BMAL2: variants seen among roughly 807,000 people sequenced by gnomAD.
BMAL2 encodes basic helix-loop-helix ARNT like 2.
chr12:27,398,083 G>A, the BMAL2 span, among the ~76,000 whole-genome samples: 2 of 152,220 alleles, frequency 1.3e-5, no homozygotes, highest in South Asian at 2.1e-4. Flanking sequence ...CTTCTCTTCC[G>A]TGTCTCATTT....
At chr12:27,346,999 C>G in the BMAL2 span, among the ~76,000 whole-genome samples, 5 of 152,246 alleles carry the variant, frequency 3.3e-5, no homozygotes, top group African/African-American at 1.2e-4. Flanking sequence ...TCTGCACACT[C>G]TGGCTCCCCT....
chr12:27,411,671 C>T, the BMAL2 span, among the ~76,000 whole-genome samples: 66 of 152,202 alleles, frequency 4.3e-4, no homozygotes, highest in Non-Finnish European at 8.5e-4. Flanking sequence ...AAGTCCTTTG[C>T]CCACTATTTA....
At chr12:27,393,187 T>C in the BMAL2 span, among the ~76,000 whole-genome samples, 1 of 152,242 alleles carries the variant, frequency 6.6e-6, no homozygotes, top group Non-Finnish European at 1.5e-5. Flanking sequence ...CAGAAACCTC[T>C]TGGCAAAACC....
the BMAL2 span, among the ~76,000 whole-genome samples, chr12:27,367,826 G>T: frequency 2.3e-5 from 1 of 42,822 alleles, no homozygotes; most frequent in East Asian, 1.3e-3. Flanking sequence ...GTGTGTGTGT[G>T]TGTGTATATA....
the BMAL2 span, among the ~76,000 whole-genome samples, chr12:27,391,557 T>C: frequency 6.6e-6 from 1 of 152,254 alleles, no homozygotes; most frequent in Non-Finnish European, 1.5e-5. Context: ...GTATACCCAG[T>C]AATGGGACTC....
chr12:27,397,210 A>G, the BMAL2 span, among the ~76,000 whole-genome samples: 2 of 152,180 alleles, frequency 1.3e-5, no homozygotes, highest in African/African-American at 2.4e-5. Flanking sequence ...AACTGGGACT[A>G]CAGGCACATG....
At chr12:27,370,685 A>T in the BMAL2 span, among the ~76,000 whole-genome samples, 1 of 152,056 alleles carries the variant, frequency 6.6e-6, no homozygotes, top group Non-Finnish European at 1.5e-5. Flanking sequence ...GGCTCACTGC[A>T]ACCTCCGCCT....
At chr12:27,363,041 G>A in the BMAL2 span, among the ~76,000 whole-genome samples, 5 of 152,192 alleles carry the variant, frequency 3.3e-5, no homozygotes, top group South Asian at 2.1e-4. Context: ...CTGGCCTTAC[G>A]TGATCCTCTT....
At chr12:27,390,274 G>A in the BMAL2 span, 1 of 1,600,164 alleles carries the variant, frequency 6.2e-7, no homozygotes, top group Non-Finnish European at 8.6e-7. Context: ...TGCAAAGCAT[G>A]GCTATAAAAT....
At chr12:27,355,324 A>G in the BMAL2 span, among the ~76,000 whole-genome samples, 1 of 152,132 alleles carries the variant, frequency 6.6e-6, no homozygotes, top group Admixed American at 6.5e-5. Flanking sequence ...ACAGTGCTCC[A>G]TAGACCCCTT....
the BMAL2 span, among the ~76,000 whole-genome samples, chr12:27,420,152 T>C: frequency 6.6e-6 from 1 of 152,220 alleles, no homozygotes; most frequent in African/African-American, 2.4e-5. Context: ...CTTACTTCTC[T>C]GTAGCAGATG....
At chr12:27,368,434 A>G in the BMAL2 span, 1 of 1,610,904 alleles carries the variant, frequency 6.2e-7, no homozygotes. Context: ...TGGTCCTCTA[A>G]CCCAGTGAGA....
At chr12:27,401,267 A>G in the BMAL2 span, 12 of 1,613,952 alleles carry the variant, frequency 7.4e-6, no homozygotes, top group South Asian at 1.2e-4. Flanking sequence ...GGCAACAGCG[A>G]TTTTAGGATA....
chr12:27,419,411 G>A, the BMAL2 span, among the ~76,000 whole-genome samples: 114,052 of 152,068 alleles, frequency 0.75, 43,132 homozygotes, highest in Middle Eastern at 0.9. Flanking sequence ...GGGTAAGAGC[G>A]AGAAAGCAAG....
the BMAL2 span, among the ~76,000 whole-genome samples, chr12:27,361,190 G>A: frequency 0.18 from 27,834 of 152,016 alleles, 3,172 homozygotes; most frequent in African/African-American, 0.3. Flanking sequence ...TTGTAACTAT[G>A]AGCCTAAACC....
the BMAL2 span, among the ~76,000 whole-genome samples, chr12:27,403,706 A>G: frequency 1.5e-4 from 23 of 152,224 alleles, no homozygotes; most frequent in African/African-American, 5.5e-4. Context: ...TTTATAAGAA[A>G]TATTCATACC....
chr12:27,372,458 T>C, the BMAL2 span, among the ~76,000 whole-genome samples: 3 of 152,236 alleles, frequency 2.0e-5, no homozygotes, highest in Non-Finnish European at 4.4e-5. Flanking sequence ...GTAATGCTAC[T>C]ATGAACATTG....
the BMAL2 span, among the ~76,000 whole-genome samples, chr12:27,404,408 C>G: frequency 6.6e-6 from 1 of 151,926 alleles, no homozygotes; most frequent in African/African-American, 2.4e-5. Context: ...GAAATACAAT[C>G]AAATGCACAT....
chr12:27,393,224 A>G, the BMAL2 span, among the ~76,000 whole-genome samples: 2 of 152,218 alleles, frequency 1.3e-5, no homozygotes, highest in African/African-American at 4.8e-5. Flanking sequence ...TGATCTTCCA[A>G]CCAAATCCAC....
Sources: gnomAD v4.1 joint callset for allele counts (sites outside exome capture counted in the v4.1 genomes callset) on GRCh38, gnomAD v4.1.1 for gene constraint, MANE v1.5 for transcripts, NCBI Gene and HGNC (gene_info 2026-07-23, HGNC 2026-07-21) for gene names.